The following TRPM3 variants were observed in gnomAD, a reference collection of about 807,000 sequenced individuals.
TRPM3 encodes long transient receptor potential channel 3.
TRPM3 carries 77 observed loss-of-function variants against 181.2 expected under a neutral mutation model. The ratio of observed to expected loss-of-function variants is 0.42; its 90% CI spans 0.35 to 0.51. The LOEUF (loss-of-function observed/expected upper bound fraction) is 0.51, where lower values mean the gene tolerates loss of function less well. Ranked by LOEUF, TRPM3 falls within the 20% of genes least tolerant of loss-of-function variation. The pLI is 0.01. For missense variants in TRPM3, 1,759 were observed against 2,196.7 expected (o/e 0.80, Z 3.98); for synonymous variants, 745 against 796.4 (o/e 0.94, Z 1.09).
At chr9:71,231,542 T>C (rs1438937430) in intron 1 of TRPM3, among the ~76,000 whole-genome samples, 1 of 152,218 alleles carries the variant, frequency 6.6e-6, no homozygotes, top group Non-Finnish European at 1.5e-5. Context: ...TGCTCTTTTT[T>C]TGAGCCACTG....
intron 1 of TRPM3, among the ~76,000 whole-genome samples, chr9:71,245,442 T>A (rs1267800498): frequency 7.2e-5 from 5 of 69,862 alleles, no homozygotes; most frequent in African/African-American, 2.9e-4. Context: ...AGACTCCATT[T>A]CAAAAAAAAA....
At chr9:71,045,287 T>C (rs534745060) in intron 1 of TRPM3, among the ~76,000 whole-genome samples, 1 of 152,152 alleles carries the variant, frequency 6.6e-6, no homozygotes, top group South Asian at 2.1e-4. Context: ...ACCATCTCAA[T>C]CCTCCTTCCA....
At chr9:71,093,241 A>C (rs969617416) in intron 1 of TRPM3, among the ~76,000 whole-genome samples, 2 of 152,214 alleles carry the variant, frequency 1.3e-5, no homozygotes, top group Admixed American at 1.3e-4. Flanking sequence ...AATGGGATCT[A>C]ATCAAACTAA....
At chr9:70,656,646 AT>A (rs2060383928) in intron 9 of TRPM3, among the ~76,000 whole-genome samples, 1 of 152,234 alleles carries the variant, frequency 6.6e-6, no homozygotes, top group African/African-American at 2.4e-5. Flanking sequence ...GGTAAACAAA[AT>A]AAAATAATTA....
intron 1 of TRPM3, among the ~76,000 whole-genome samples, chr9:71,063,705 C>A (rs2061582665): frequency 6.6e-6 from 1 of 151,952 alleles, no homozygotes; most frequent in South Asian, 2.1e-4. Flanking sequence ...GCTGTAGGGA[C>A]TATTGCAAGA....
At chr9:71,271,837 TC>T (rs966035836) in intron 1 of TRPM3, among the ~76,000 whole-genome samples, 56 of 152,010 alleles carry the variant, frequency 3.7e-4, no homozygotes, top group African/African-American at 1.2e-3. Context: ...TCTTCTTGAA[TC>T]AAAAGACATG....
intron 1 of TRPM3, among the ~76,000 whole-genome samples, chr9:70,888,362 G>GTGTGT (rs2096128792): frequency 2.1e-5 from 3 of 143,624 alleles, no homozygotes; most frequent in African/African-American, 7.8e-5. Context: ...TTTATTTTGG[G>GTGTGT]GTGTGTGTGT....
chr9:71,313,446 C>A (rs181335444), intron 1 of TRPM3, among the ~76,000 whole-genome samples: 1 of 152,166 alleles, frequency 6.6e-6, no homozygotes, highest in Non-Finnish European at 1.5e-5. Context: ...CAAAACATAG[C>A]AAATGCATTA....
intron 6 of TRPM3, among the ~76,000 whole-genome samples, chr9:70,804,008 C>T (rs1208713031): frequency 2.0e-5 from 3 of 152,092 alleles, no homozygotes; most frequent in African/African-American, 7.2e-5. Flanking sequence ...CTAGGACTGC[C>T]TTCCTCTTTG....
chr9:71,318,830 A>G (rs1189833285), intron 1 of TRPM3, among the ~76,000 whole-genome samples: 1 of 152,128 alleles, frequency 6.6e-6, no homozygotes, highest in Non-Finnish European at 1.5e-5. Context: ...ATTAGTTTTG[A>G]CATCTGAAAC....
intron 1 of TRPM3, among the ~76,000 whole-genome samples, chr9:71,279,969 C>T (rs550201166): frequency 2.0e-5 from 3 of 151,198 alleles, no homozygotes; most frequent in East Asian, 2.0e-4. Context: ...ATCCCAGCTA[C>T]GCAGGAGGCT....
chr9:71,258,546 G>A (rs911523870), intron 1 of TRPM3, among the ~76,000 whole-genome samples: 14 of 152,088 alleles, frequency 9.2e-5, no homozygotes, highest in African/African-American at 2.9e-4. Flanking sequence ...TGATTACTTC[G>A]TATTTACCTG....
intron 1 of TRPM3, among the ~76,000 whole-genome samples, chr9:71,180,766 T>C (rs1010795091): frequency 2.0e-4 from 30 of 152,256 alleles, no homozygotes; most frequent in Admixed American, 3.3e-4. Flanking sequence ...CTTTTAAGAT[T>C]TGAAATTTTT....
intron 1 of TRPM3, among the ~76,000 whole-genome samples, chr9:71,197,140 G>T (rs891221003): frequency 1.3e-5 from 2 of 151,994 alleles, no homozygotes; most frequent in Non-Finnish European, 2.9e-5. Context: ...TTGTCCTTGC[G>T]ATAGTTTACG....
intron 1 of TRPM3, among the ~76,000 whole-genome samples, chr9:71,434,245 C>A (rs920650201): frequency 3.3e-5 from 5 of 152,060 alleles, no homozygotes; most frequent in African/African-American, 1.2e-4. Context: ...AAACTTAGTT[C>A]CCAAGGTGAT....
chr9:71,324,303 A>T (rs1472266705), intron 1 of TRPM3, among the ~76,000 whole-genome samples: 5 of 152,268 alleles, frequency 3.3e-5, no homozygotes, highest in African/African-American at 7.2e-5. Context: ...CTTAGAAATC[A>T]CAAGTCTCTT....
intron 1 of TRPM3, among the ~76,000 whole-genome samples, chr9:71,207,537 C>T (rs1469970407): frequency 6.6e-6 from 1 of 151,992 alleles, no homozygotes; most frequent in African/African-American, 2.4e-5. Context: ...ATTTTTGGCA[C>T]AAGAGATAAA....
intron 17 of TRPM3, 129 bp downstream of exon 17, chr9:70,618,738 C>T (rs2063165796): frequency 5.1e-6 from 4 of 783,864 alleles, no homozygotes; most frequent in African/African-American, 1.7e-5. Context: ...GATTCTGAGG[C>T]ACAGTCAGGA....
chr9:70,750,612 G>A (rs1299993929), intron 8 of TRPM3, among the ~76,000 whole-genome samples: 1 of 152,162 alleles, frequency 6.6e-6, no homozygotes, highest in East Asian at 1.9e-4. Context: ...TCGAAGTAGA[G>A]CAGGCAGATG....
Sources: allele counts gnomAD v4.1 joint callset (sites outside exome capture counted in the v4.1 genomes callset), GRCh38; gene constraint gnomAD v4.1.1; transcripts MANE v1.5; gene names NCBI Gene and HGNC (gene_info 2026-07-23, HGNC 2026-07-21).